Variants in NLGN4Y observed in about 807,000 individuals in gnomAD.
The protein encoded by NLGN4Y is neuroligin 4 Y-linked, also known as neuroligin-4, Y-linked.
NLGN4Y carries 4 observed loss-of-function variants against 8.4 expected under a neutral mutation model. The ratio of observed to expected loss-of-function variants is 0.48; its 90% CI spans 0.23 to 1.09. The LOEUF is 1.09. Among genes scored for constraint, NLGN4Y ranks in the 50% least tolerant of loss-of-function variants. The pLI, the probability that NLGN4Y is intolerant of heterozygous loss-of-function variation, is 0.19. For synonymous variants in NLGN4Y, 35 were observed against 75.6 expected (o/e 0.46, Z 2.78); for missense variants, 90 against 192.3 (o/e 0.47, Z 3.15).
At chrY:14,774,200 T>C in intron 4 of NLGN4Y, among the ~76,000 whole-genome samples, 1 of 33,525 alleles carries the variant, frequency 3.0e-5, no homozygotes, top group Non-Finnish European at 7.4e-5. Flanking sequence ...CAAAAGGAAC[T>C]ATTACCAGAG....
intron 2 of NLGN4Y, among the ~76,000 whole-genome samples, chrY:14,650,695 A>G (rs2080626706): frequency 3.1e-5 from 1 of 32,503 alleles, no homozygotes; most frequent in Non-Finnish European, 7.5e-5. Context: ...ATTTTTTCCC[A>G]GTATTTGTTG....
At chrY:14,742,575 A>C (rs2081009852) in intron 4 of NLGN4Y, among the ~76,000 whole-genome samples, 1 of 32,966 alleles carries the variant, frequency 3.0e-5, no homozygotes, top group Admixed American at 2.9e-4. Context: ...TTATTGCATT[A>C]GAAATGTAAA....
chrY:14,813,707 C>A (rs2043090788), intron 4 of NLGN4Y, among the ~76,000 whole-genome samples: 1 of 33,740 alleles, frequency 3.0e-5, no homozygotes, highest in Non-Finnish European at 7.4e-5. Flanking sequence ...AATCATATCA[C>A]CGAAAATATC....
At chrY:14,641,329 A>G in intron 2 of NLGN4Y, among the ~76,000 whole-genome samples, 1 of 33,677 alleles carries the variant, frequency 3.0e-5, no homozygotes, top group Admixed American at 2.7e-4. Flanking sequence ...AAAGAAGAAG[A>G]TATGCAACGA....
intron 4 of NLGN4Y, among the ~76,000 whole-genome samples, chrY:14,792,984 A>T (rs2042992941): frequency 3.5e-5 from 1 of 28,605 alleles, no homozygotes; most frequent in Non-Finnish European, 8.1e-5. Context: ...ATCAACATCT[A>T]GCCCTTTTGC....
chrY:14,795,121 T>A, intron 4 of NLGN4Y, among the ~76,000 whole-genome samples: 2 of 33,475 alleles, frequency 6.0e-5, no homozygotes, highest in Admixed American at 2.7e-4. Context: ...GTGATCTGCC[T>A]ACTTCAGCCT....
intron 2 of NLGN4Y, among the ~76,000 whole-genome samples, chrY:14,698,264 T>C (rs2080838306): frequency 6.0e-5 from 2 of 33,549 alleles, no homozygotes; most frequent in African/African-American, 1.2e-4. Flanking sequence ...GAAGGGCTTT[T>C]CTCAAATTGT....
intron 2 of NLGN4Y, among the ~76,000 whole-genome samples, chrY:14,659,071 G>T: frequency 6.0e-5 from 2 of 33,202 alleles, no homozygotes; most frequent in African/African-American, 1.2e-4. Flanking sequence ...TATGAATTTT[G>T]GGAGGTTACC....
At chrY:14,558,355 T>A in intron 1 of NLGN4Y, among the ~76,000 whole-genome samples, 1 of 33,640 alleles carries the variant, frequency 3.0e-5, no homozygotes, top group Non-Finnish European at 7.4e-5. Context: ...GTTGTTTCAA[T>A]GATGCATTTT....
At chrY:14,721,775 T>TAC (rs776389790) in intron 3 of NLGN4Y, among the ~76,000 whole-genome samples, 333 of 26,469 alleles carry the variant, frequency 0.013, no homozygotes, top group African/African-American at 0.024. Context: ...ATTATTTGTA[T>TAC]ACACACACAC....
At chrY:14,580,353 G>C in intron 1 of NLGN4Y, among the ~76,000 whole-genome samples, 1 of 27,316 alleles carries the variant, frequency 3.7e-5, no homozygotes, top group African/African-American at 1.4e-4. Flanking sequence ...ATAATCTTTT[G>C]GCTATATACT....
intron 4 of NLGN4Y, among the ~76,000 whole-genome samples, chrY:14,788,973 T>C: frequency 3.2e-5 from 1 of 31,091 alleles, no homozygotes; most frequent in South Asian, 7.8e-4. Context: ...TTTTTTTTTT[T>C]TTCTTTGTTG....
intron 4 of NLGN4Y, among the ~76,000 whole-genome samples, chrY:14,810,940 T>C: frequency 3.0e-5 from 1 of 33,466 alleles, no homozygotes; most frequent in Non-Finnish European, 7.4e-5. Flanking sequence ...TGTGAAATAA[T>C]GATATGATAA....
At chrY:14,667,307 TAGAC>T (rs2080695247) in intron 2 of NLGN4Y, among the ~76,000 whole-genome samples, 1 of 32,578 alleles carries the variant, frequency 3.1e-5, no homozygotes, top group Non-Finnish European at 7.5e-5. Flanking sequence ...ATTACACAAT[TAGAC>T]AGCAATAAAT....
intron 1 of NLGN4Y, among the ~76,000 whole-genome samples, chrY:14,582,912 G>A: frequency 2.9e-5 from 1 of 33,974 alleles, no homozygotes; most frequent in Non-Finnish European, 7.3e-5. Context: ...GAAGTTGTGG[G>A]CAGAACTTAG....
At chrY:14,698,326 T>C in intron 2 of NLGN4Y, among the ~76,000 whole-genome samples, 1 of 33,793 alleles carries the variant, frequency 3.0e-5, no homozygotes, top group East Asian at 7.9e-4. Flanking sequence ...CAACTCTGTC[T>C]CTTACATATT....
intron 1 of NLGN4Y, among the ~76,000 whole-genome samples, chrY:14,598,708 A>T: frequency 3.2e-5 from 1 of 31,634 alleles, no homozygotes; most frequent in Non-Finnish European, 7.6e-5. Flanking sequence ...CAGGCAGGGG[A>T]GGTGCCAAGA....
intron 1 of NLGN4Y, among the ~76,000 whole-genome samples, chrY:14,585,962 G>T: frequency 3.0e-5 from 1 of 33,209 alleles, no homozygotes; most frequent in Admixed American, 2.8e-4. Flanking sequence ...AGCCTTGGTT[G>T]TTACCCAGGG....
intron 4 of NLGN4Y, among the ~76,000 whole-genome samples, chrY:14,818,353 G>C: frequency 3.0e-5 from 1 of 33,680 alleles, no homozygotes; most frequent in Non-Finnish European, 7.4e-5. Context: ...CAACTGAGGA[G>C]CTGGGAGAAA....
Sources: gnomAD v4.1 joint callset for allele counts (sites outside exome capture counted in the v4.1 genomes callset) on GRCh38, gnomAD v4.1.1 for gene constraint, MANE v1.5 for transcripts, NCBI Gene and HGNC (gene_info 2026-07-23, HGNC 2026-07-21) for gene names.